Variants in MDGA2 observed in about 807,000 individuals in gnomAD.
MDGA2 encodes MAM domain-containing glycosylphosphatidylinositol anchor protein 2.
A neutral mutation model predicts 117.8 loss-of-function variants in MDGA2; 40 were observed. The ratio of observed to expected loss-of-function variants is 0.34; its 90% CI spans 0.26 to 0.44. MDGA2 has a LOEUF of 0.44. MDGA2 is among the 20% of genes least tolerant of loss of function. MDGA2 has a pLI of 1.00. For synonymous variants in MDGA2, 452 were observed against 439.0 expected (o/e 1.03, Z -0.37); for missense variants, 1,123 against 1,250.6 (o/e 0.90, Z 1.54).
At chr14:46,948,012 A>G (rs1447761323) in intron 9 of MDGA2, among the ~76,000 whole-genome samples, 2 of 151,914 alleles carry the variant, frequency 1.3e-5, no homozygotes, top group Non-Finnish European at 2.9e-5. Flanking sequence ...GACATCTTTC[A>G]AACTACTTAT....
chr14:47,173,871 A>T lies in MDGA2; in HGVS notation c.596-29597T>A, dbSNP rs527729801. ...CGGACTGGCAAATTGGATAGAGTCA[A>T]GACCCATCAGTGTGCTGTATTCAGG... On this transcript the variant is annotated intron_variant, in intron 3 of 16. Transcript: ENST00000399232. Among the ~76,000 whole-genome samples the T allele has an allele frequency of 4.5e-4, 68 of 152,322 alleles. No homozygotes were observed. In the Middle Eastern group the frequency reaches 0.02, roughly 46 times the overall value.
chr14:47,282,134 C>A (rs969183738), intron 2 of MDGA2, among the ~76,000 whole-genome samples: 2 of 151,588 alleles, frequency 1.3e-5, no homozygotes, highest in Non-Finnish European at 2.9e-5. Context: ...CAGGAAAATG[C>A]TAGACTCTTT....
chr14:47,514,383 T>C (rs1386918010), intron 1 of MDGA2, among the ~76,000 whole-genome samples: 1 of 152,098 alleles, frequency 6.6e-6, no homozygotes, highest in African/African-American at 2.4e-5. Flanking sequence ...AGAAAGCCAC[T>C]CTAGACTAAA....
intron 1 of MDGA2, among the ~76,000 whole-genome samples, chr14:47,433,484 A>T (rs771405987): frequency 3.0e-4 from 45 of 152,170 alleles, no homozygotes; most frequent in Non-Finnish European, 2.2e-4. Flanking sequence ...TACCCTATAA[A>T]ATAATCGAGA....
chr14:47,459,623 G>T (rs953235825), intron 1 of MDGA2, among the ~76,000 whole-genome samples: 1 of 149,644 alleles, frequency 6.7e-6, no homozygotes, highest in African/African-American at 2.5e-5. Context: ...GCAGGTGTGG[G>T]TTTTTTTTAT....
At chr14:47,559,298 A>G (rs1354317707) in intron 1 of MDGA2, among the ~76,000 whole-genome samples, 1 of 152,082 alleles carries the variant, frequency 6.6e-6, no homozygotes, top group Non-Finnish European at 1.5e-5. Flanking sequence ...GTGTCCATAT[A>G]TACTTGATGT....
intron 3 of MDGA2, among the ~76,000 whole-genome samples, chr14:47,160,102 C>T (rs1350853277): frequency 6.6e-6 from 1 of 152,124 alleles, no homozygotes; most frequent in Non-Finnish European, 1.5e-5. Flanking sequence ...AGCCACACCA[C>T]CATTGAATAC....
At chr14:47,463,038 T>C (rs1893524579) in intron 1 of MDGA2, among the ~76,000 whole-genome samples, 1 of 152,130 alleles carries the variant, frequency 6.6e-6, no homozygotes, top group African/African-American at 2.4e-5. Context: ...TGTGTGTGTA[T>C]TGCAGAAATA....
chr14:47,135,369 C>A (rs1182014469), intron 4 of MDGA2, among the ~76,000 whole-genome samples: 1 of 151,980 alleles, frequency 6.6e-6, no homozygotes, highest in East Asian at 1.9e-4. Context: ...ACTGACAAAT[C>A]TCTAGACAAA....
At chr14:47,311,968 A>T (rs2416042) in intron 1 of MDGA2, among the ~76,000 whole-genome samples, 1 of 151,906 alleles carries the variant, frequency 6.6e-6, no homozygotes, top group Non-Finnish European at 1.5e-5. Context: ...AAATATAAAT[A>T]ATTTATACTC....
chr14:47,545,265 T>C (rs1895438786), intron 1 of MDGA2, among the ~76,000 whole-genome samples: 1 of 152,206 alleles, frequency 6.6e-6, no homozygotes, highest in Non-Finnish European at 1.5e-5. Flanking sequence ...TAAATGCATT[T>C]AAGTGTCCAT....
At chr14:46,978,745 T>C (rs1399700590) in intron 8 of MDGA2, among the ~76,000 whole-genome samples, 1 of 152,104 alleles carries the variant, frequency 6.6e-6, no homozygotes, top group African/African-American at 2.4e-5. Flanking sequence ...ATCCCTATTA[T>C]AAAAAATGCT....
intron 3 of MDGA2, among the ~76,000 whole-genome samples, chr14:47,211,155 C>A (rs1885868553): frequency 6.6e-6 from 1 of 152,114 alleles, no homozygotes; most frequent in Non-Finnish European, 1.5e-5. Context: ...CCCAAACCCA[C>A]CATCGTAACC....
intron 8 of MDGA2, among the ~76,000 whole-genome samples, chr14:47,007,579 T>A (rs1462250680): frequency 6.6e-6 from 1 of 151,878 alleles, no homozygotes; most frequent in African/African-American, 2.4e-5. Flanking sequence ...ATGACCTTGC[T>A]ACTTTGAGAA....
At chr14:47,246,807 A>ACACACACG (rs1887253553) in intron 2 of MDGA2, among the ~76,000 whole-genome samples, 1 of 149,622 alleles carries the variant, frequency 6.7e-6, no homozygotes, top group Non-Finnish European at 1.5e-5. Flanking sequence ...AATGAAACAC[A>ACACACACG]CACACACACA....
chr14:47,102,390 C>A (rs5017747), intron 5 of MDGA2, among the ~76,000 whole-genome samples: 180 of 117,882 alleles, frequency 1.5e-3, no homozygotes, highest in South Asian at 0.012. Flanking sequence ...CACACACACA[C>A]ACAAACACAC....
chr14:46,995,133 G>C (rs1887240195), intron 8 of MDGA2, among the ~76,000 whole-genome samples: 1 of 152,044 alleles, frequency 6.6e-6, no homozygotes. Context: ...AAAAGGATTT[G>C]AGGCATCAAA....
chr14:46,920,346 G>T (rs1487334884), intron 9 of MDGA2, among the ~76,000 whole-genome samples, 186 bp from the exon 10 acceptor site: 1 of 152,148 alleles, frequency 6.6e-6, no homozygotes, highest in Non-Finnish European at 1.5e-5. Flanking sequence ...GGCAGTGTGA[G>T]AAAAGAAGGA....
chr14:47,365,533 G>C (rs1476732643), intron 1 of MDGA2, among the ~76,000 whole-genome samples: 1 of 152,234 alleles, frequency 6.6e-6, no homozygotes, highest in Non-Finnish European at 1.5e-5. Flanking sequence ...ACCTAGGAAA[G>C]GCCTAGACAG....
Sources: gnomAD v4.1 joint callset for allele counts (sites outside exome capture counted in the v4.1 genomes callset) on GRCh38, gnomAD v4.1.1 for gene constraint, MANE v1.5 for transcripts, NCBI Gene and HGNC (gene_info 2026-07-23, HGNC 2026-07-21) for gene names.